Variants in RARB observed in about 807,000 individuals in gnomAD.
RARB encodes HBV-activated protein.
RARB carries 17 observed loss-of-function variants against 51.9 expected under a neutral mutation model. The ratio of observed to expected loss-of-function variants is 0.33; its 90% CI spans 0.22 to 0.49. The LOEUF (loss-of-function observed/expected upper bound fraction) is 0.49. Ranked by LOEUF, RARB falls within the 20% of genes least tolerant of loss-of-function variation. RARB has a pLI of 0.99. For missense variants in RARB, 369 were observed against 550.8 expected (o/e 0.67, Z 3.30); for synonymous variants, 215 against 195.4 (o/e 1.10, Z -0.84).
At chr3:25,073,759 G>T (rs1020722006) in intron 3 of RARB, among the ~76,000 whole-genome samples, 3 of 152,084 alleles carry the variant, frequency 2.0e-5, no homozygotes, top group Non-Finnish European at 4.4e-5. Flanking sequence ...CAATAAGGAT[G>T]CCTGTAAGTG....
rs114927719 is a variant in RARB, at chr3:25,558,355, C to G, written c.449-11403C>G. Among the ~76,000 whole-genome samples the G allele has an allele frequency of 3.3e-3, 498 of 152,292 alleles. 2 individuals carry two copies. The highest frequency in any genetic ancestry group is 0.012 in the African/African-American group (485 of 41,574). ...GAACTTTGCTCCTTCTTCATTCTTT[C>G]TGACTGGCGGCTACTTGAACACTTG... On this transcript the variant is annotated intron_variant, in intron 3 of 7. Transcript: ENST00000330688.
At chr3:25,200,208 A>T (rs1002565737) in intron 5 of RARB, among the ~76,000 whole-genome samples, 1 of 151,514 alleles carries the variant, frequency 6.6e-6, no homozygotes, top group African/African-American at 2.4e-5. Context: ...GATGATGAGC[A>T]TTGTTTCTTG....
At chr3:25,097,311 G>A (rs1699314136) in intron 3 of RARB, among the ~76,000 whole-genome samples, 2 of 152,238 alleles carry the variant, frequency 1.3e-5, no homozygotes, top group South Asian at 4.1e-4. Context: ...AAGCAGCATG[G>A]TTTAAAATAG....
chr3:24,868,187 T>C (rs1446621303), intron 2 of RARB, among the ~76,000 whole-genome samples: 2 of 152,164 alleles, frequency 1.3e-5, no homozygotes, highest in African/African-American at 2.4e-5. Context: ...GTGTTACATG[T>C]GGGTGTTAGC....
At chr3:25,410,888 A>G (rs1707544318) in intron 5 of RARB, among the ~76,000 whole-genome samples, 1 of 152,180 alleles carries the variant, frequency 6.6e-6, no homozygotes, top group Non-Finnish European at 1.5e-5. Flanking sequence ...CACTTGCTCA[A>G]TGTTTAGGAG....
chr3:25,513,435 G>A (rs576335300), intron 3 of RARB, among the ~76,000 whole-genome samples: 7 of 152,252 alleles, frequency 4.6e-5, no homozygotes, highest in South Asian at 2.1e-4. Context: ...ATTTGAACAC[G>A]TGAACTTAAA....
At chr3:25,153,551 A>G (rs1032949848) in intron 4 of RARB, among the ~76,000 whole-genome samples, 1 of 152,198 alleles carries the variant, frequency 6.6e-6, no homozygotes, top group Non-Finnish European at 1.5e-5. Context: ...ATCTGTGTGC[A>G]CTGGGCCAAT....
At chr3:24,905,962 A>G (rs745680162) in intron 2 of RARB, among the ~76,000 whole-genome samples, 42 of 152,308 alleles carry the variant, frequency 2.8e-4, no homozygotes, top group South Asian at 6.2e-4. Context: ...AAGACAGTGA[A>G]CTCTTTGATA....
intron 4 of RARB, among the ~76,000 whole-genome samples, chr3:25,135,306 T>C (rs1159573418): frequency 6.6e-6 from 1 of 152,014 alleles, no homozygotes; most frequent in East Asian, 1.9e-4. Context: ...TAATTTAAAA[T>C]ATATGTGGCT....
intron 2 of RARB, among the ~76,000 whole-genome samples, chr3:24,877,338 C>T (rs1703065237): frequency 8.9e-5 from 3 of 33,806 alleles, no homozygotes; most frequent in Admixed American, 6.8e-4. Flanking sequence ...TTTTTTAAAG[C>T]AATCTTACTT....
chr3:25,386,773 A>T (rs1486693080), intron 5 of RARB, among the ~76,000 whole-genome samples: 1 of 151,950 alleles, frequency 6.6e-6, no homozygotes, highest in Non-Finnish European at 1.5e-5. Context: ...CTCCCAAGAG[A>T]CTCTTCTGAA....
intron 5 of RARB, among the ~76,000 whole-genome samples, chr3:25,319,501 A>C (rs920138): frequency 1.4e-4 from 21 of 152,176 alleles, no homozygotes; most frequent in African/African-American, 4.6e-4. Context: ...GTTTATGCCT[A>C]TTCTCCATCT....
intron 5 of RARB, among the ~76,000 whole-genome samples, chr3:25,322,629 T>G (rs906967680): frequency 3.9e-5 from 6 of 152,240 alleles, no homozygotes; most frequent in African/African-American, 9.6e-5. Flanking sequence ...AATTTTATAA[T>G]CATATTTTTA....
intron 5 of RARB, among the ~76,000 whole-genome samples, chr3:25,191,791 C>T (rs555419909): frequency 6.6e-6 from 1 of 152,068 alleles, no homozygotes; most frequent in South Asian, 2.1e-4. Flanking sequence ...TCCAGTGTTA[C>T]AAGGCACAGT....
chr3:25,371,460 A>G (rs780456183), intron 5 of RARB, among the ~76,000 whole-genome samples: 1 of 152,168 alleles, frequency 6.6e-6, no homozygotes, highest in African/African-American at 2.4e-5. Context: ...AGGACTGGAG[A>G]TGTTTCTTGG....
At chr3:25,302,512 G>C (rs920802380) in intron 5 of RARB, among the ~76,000 whole-genome samples, 5 of 152,158 alleles carry the variant, frequency 3.3e-5, no homozygotes, top group Non-Finnish European at 7.3e-5. Flanking sequence ...AGTCACAAAG[G>C]CCCTATATTG....
chr3:24,866,569 G>T (rs781448692), intron 2 of RARB, among the ~76,000 whole-genome samples: 6 of 152,080 alleles, frequency 3.9e-5, no homozygotes, highest in Non-Finnish European at 7.4e-5. Flanking sequence ...ACCAGAATCA[G>T]CAAGAGAAGG....
At chr3:25,480,854 A>G (rs1382848097) in intron 2 of RARB, among the ~76,000 whole-genome samples, 1 of 152,172 alleles carries the variant, frequency 6.6e-6, no homozygotes, top group African/African-American at 2.4e-5. Flanking sequence ...TGCATGCCTC[A>G]ATGGAGTACA....
At chr3:25,461,388 A>G (rs753473363) in intron 2 of RARB, 47 bp downstream of exon 2, 1 of 1,593,186 alleles carries the variant, frequency 6.3e-7, no homozygotes, top group Non-Finnish European at 8.6e-7. Context: ...TTCTCCATGT[A>G]CTTTATGGAG....
Sources: allele counts gnomAD v4.1 joint callset (sites outside exome capture counted in the v4.1 genomes callset), GRCh38; gene constraint gnomAD v4.1.1; transcripts MANE v1.5; gene names NCBI Gene and HGNC (gene_info 2026-07-23, HGNC 2026-07-21).